Variants in SLC25A28 observed in about 807,000 individuals in gnomAD.
The protein encoded by SLC25A28 is solute carrier family 25 member 28.
In SLC25A28, 10 loss-of-function variants were observed where a neutral mutation model predicts 31.9. The observed-to-expected ratio is 0.31, with a 90% confidence interval of 0.19 to 0.53. The LOEUF is 0.53. SLC25A28 is among the 20% of genes least tolerant of loss of function. The probability of loss-of-function intolerance (pLI) is 0.95; values close to 1 mark genes in which losing one functional copy is unlikely to be tolerated. For missense variants in SLC25A28, 256 were observed against 490.3 expected, an observed-to-expected ratio of 0.52 and a Z score of 4.51; for synonymous variants, 208 against 203.6, an observed-to-expected ratio of 1.02 and a Z score of -0.19.
In SLC25A28 at chr10:99,620,286, G is replaced by T; in HGVS notation, c.50C>A (p.Ala17Glu). The T allele has an allele frequency of 8.5e-7, 1 of 1,177,220 alleles. No individual in the cohort carries two copies. Among genetic ancestry groups the T allele is most frequent in the Non-Finnish European group, 1.0e-6 (1 of 958,542 alleles). 72.9% of individuals were successfully genotyped at this position (1,177,220 alleles called of 1,614,324 possible). The stretch of plus-strand genomic sequence containing the variant: ...CTCCCCGGGGCTCCGCCCGGGCCCT[G>T]CCGCCGGCCCCCCCGCCACACCGCC... ...GAGGVAGGPAAGPGRSPGESA... is the reference protein window; with the variant it reads ...GAGGVAGGPAEGPGRSPGESA... The change falls in exon 1 of 4, where the codon GCA (alanine) becomes GAA (glutamate). Residue 17 changes from alanine (A) to glutamate (E), a missense_variant. This residue lies in a region of SLC25A28 where 47 missense variants were observed against 41.4 expected (regional missense o/e 1.14). Coordinates refer to ENST00000370495, the MANE Select transcript of SLC25A28 (RefSeq NM_031212.4).
At chr10:99,637,586 G>T in the SLC25A28 span, among the ~76,000 whole-genome samples, 1 of 152,184 alleles carries the variant, frequency 6.6e-6, no homozygotes, top group Non-Finnish European at 1.5e-5. Flanking sequence ...ATTCAGCAAA[G>T]TTTCTGGATA....
chr10:99,658,969 T>C, the SLC25A28 span, among the ~76,000 whole-genome samples: 1 of 152,170 alleles, frequency 6.6e-6, no homozygotes, highest in Non-Finnish European at 1.5e-5. Flanking sequence ...TTGTCTTCGA[T>C]TTCTGTTTTC....
chr10:99,620,956 G>T, upstream of SLC25A28: 3 of 975,386 alleles, frequency 3.1e-6, no homozygotes, highest in Non-Finnish European at 3.7e-6. Context: ...CCGCGCTCCC[G>T]TGCGCTCCTC....
the SLC25A28 span, among the ~76,000 whole-genome samples, chr10:99,632,045 C>T: frequency 1.3e-5 from 2 of 150,214 alleles, no homozygotes; most frequent in Non-Finnish European, 3.0e-5. Flanking sequence ...TACAGGCGCC[C>T]GCCACCGCGC....
chr10:99,620,917 G>A, upstream of SLC25A28: 2 of 984,930 alleles, frequency 2.0e-6, no homozygotes, highest in African/African-American at 1.7e-5. Context: ...GGCCTTCAAC[G>A]TCAAACTGCT....
At chr10:99,658,351 A>G in the SLC25A28 span, among the ~76,000 whole-genome samples, 1 of 152,294 alleles carries the variant, frequency 6.6e-6, no homozygotes, top group East Asian at 1.9e-4. Flanking sequence ...TTGCTTATTA[A>G]TTATACATTA....
upstream of SLC25A28, among the ~76,000 whole-genome samples, chr10:99,624,365 A>C (rs1222584042): frequency 6.6e-6 from 1 of 151,878 alleles, no homozygotes; most frequent in East Asian, 1.9e-4. Context: ...CAAAGTGCTG[A>C]GATTACAGGT....
At chr10:99,626,134 C>A in the SLC25A28 span, among the ~76,000 whole-genome samples, 6 of 152,334 alleles carry the variant, frequency 3.9e-5, no homozygotes, top group Admixed American at 3.3e-4. Flanking sequence ...CTTCTCTGAA[C>A]TGCCATCATA....
the SLC25A28 span, among the ~76,000 whole-genome samples, chr10:99,652,667 C>A: frequency 3.3e-5 from 5 of 152,056 alleles, no homozygotes; most frequent in Non-Finnish European, 5.9e-5. Context: ...GAAGGGGTTA[C>A]GTTCCCTTCT....
At chr10:99,641,376 G>A in the SLC25A28 span, among the ~76,000 whole-genome samples, 2 of 152,176 alleles carry the variant, frequency 1.3e-5, no homozygotes, top group Non-Finnish European at 2.9e-5. Context: ...TTTGAGAAGT[G>A]TCTGTTCATA....
chr10:99,615,569 G>C, intron 1 of SLC25A28: 1 of 985,330 alleles, frequency 1.0e-6, no homozygotes, highest in South Asian at 4.7e-5. Context: ...TGTTCAATCA[G>C]AAATACTCTA....
chr10:99,654,323 C>A, the SLC25A28 span, among the ~76,000 whole-genome samples: 1 of 152,136 alleles, frequency 6.6e-6, no homozygotes, highest in Non-Finnish European at 1.5e-5. Flanking sequence ...GCTCCAATAT[C>A]TTAATTTAGC....
At chr10:99,616,983 A>G (rs1589997228) in intron 1 of SLC25A28, 1 of 985,210 alleles carries the variant, frequency 1.0e-6, no homozygotes, top group East Asian at 1.1e-4. Context: ...TAATGTTTCC[A>G]TTTCCTAATC....
upstream of SLC25A28, among the ~76,000 whole-genome samples, chr10:99,623,894 C>T (rs560341981): frequency 6.6e-6 from 1 of 152,338 alleles, no homozygotes; most frequent in East Asian, 1.9e-4. Flanking sequence ...TTTCAAGACA[C>T]AGAGCTTTTA....
At position 99,613,874 on chromosome 10, in the gene SLC25A28, C is replaced by T. The variant is rs753846259; in HGVS notation, c.342G>A (p.Val114=). 2 of 1,613,958 alleles carry T rather than the reference C, an allele frequency of 1.2e-6. No homozygotes were observed. The highest frequency in any genetic ancestry group is 1.7e-6 in the Non-Finnish European group (2 of 1,179,898). Residue 114 remains valine, a synonymous_variant, in exon 2 of 4, where the codon GTG becomes GTA. Transcript: ENST00000370495. The surrounding 1 kb of genome is among the most constrained non-coding windows in gnomAD (Gnocchi z 4.9). ...TTATAATCCTCCAGAGGGCCTCCAACACATTGCGATAGCGGGCAGCTGGGT... is the reference window on the plus strand; with the variant it reads ...TTATAATCCTCCAGAGGGCCTCCAATACATTGCGATAGCGGGCAGCTGGGT... The part of the protein sequence containing the change: ...QPDPAARYRN[V]LEALWRIIRT...
At chr10:99,612,271 T>C (rs1219440470) in intron 3 of SLC25A28, among the ~76,000 whole-genome samples, 2 of 152,150 alleles carry the variant, frequency 1.3e-5, no homozygotes, top group African/African-American at 4.8e-5. Context: ...ACAGATCAAA[T>C]CTACGACAAA....
chr10:99,623,876 CTTAGTTGT>C (rs1460657589), upstream of SLC25A28, among the ~76,000 whole-genome samples: 1 of 152,202 alleles, frequency 6.6e-6, no homozygotes, highest in African/African-American at 2.4e-5. Context: ...AGAAATAAAT[CTTAGTTGT>C]TTCAAGACAC....
Position 99,611,181 on chromosome 10 carries a change from G to A in SLC25A28, c.763C>T (p.Pro255Ser), listed in dbSNP as rs1400225911. ...GAGCTTGGGTTGTACCGTCTCTGGG[G>A]GTTAAAGTGCTCCTGCAGGAATTCA... ...TYEFLQEHFN[P>S]QRRYNPSSHV... Residue 255 changes from proline to serine, a missense_variant, in exon 4 of 4, where the codon CCC becomes TCC. This residue lies in a region of SLC25A28 where 158 missense variants were observed against 379.1 expected (regional missense o/e 0.42). Transcript: ENST00000370495. This position sits in a 1 kb window ranked among gnomAD's most constrained non-coding sequence, Gnocchi z 5.5. 1 of 1,614,188 alleles carries A rather than the reference G, an allele frequency of 6.2e-7. No homozygotes were observed. The highest frequency in any genetic ancestry group is 8.5e-7 in the Non-Finnish European group (1 of 1,180,032).
At chr10:99,629,823 T>A in the SLC25A28 span, among the ~76,000 whole-genome samples, 1 of 152,160 alleles carries the variant, frequency 6.6e-6, no homozygotes, top group Non-Finnish European at 1.5e-5. Context: ...ACTAGGTAGA[T>A]GTAGTGGTTG....
Sources: gnomAD v4.1 joint callset for allele counts (sites outside exome capture counted in the v4.1 genomes callset) on GRCh38, gnomAD v4.1.1 for gene constraint, gnomAD v4.1.1 regional missense constraint, Gnocchi (gnomAD v3.1) non-coding constraint, MANE v1.5 for transcripts, NCBI Gene and HGNC (gene_info 2026-07-23, HGNC 2026-07-21) for gene names.